LHFPL6: variants seen among roughly 807,000 people sequenced by gnomAD.
LHFPL6 encodes LHFPL tetraspan subfamily member 6, also known as LHFPL tetraspan subfamily member 6 protein.
In LHFPL6, 9 loss-of-function variants were observed where a neutral mutation model predicts 20.6. The ratio of observed to expected loss-of-function variants is 0.44; its 90% CI spans 0.26 to 0.76. The LOEUF (loss-of-function observed/expected upper bound fraction) is 0.76, where lower values mean the gene tolerates loss of function less well. Ranked by LOEUF, LHFPL6 falls within the 30% of genes least tolerant of loss-of-function variation. The pLI is 0.20. For missense variants in LHFPL6, 218 were observed against 253.5 expected (o/e 0.86, Z 0.95); for synonymous variants, 105 against 98.7 (o/e 1.06, Z -0.38).
rs144263651 is a variant in LHFPL6 at position 39,527,908 on chromosome 13, C to G, written c.385+72924G>C. On this transcript the variant is annotated intron_variant, in intron 2 of 3. Transcript: ENST00000379589. ...TTCTATTTCTAACTTAATCTTAAATCTTTAATTTCTAAGTTAACTATGTTT... is the reference window on the plus strand; with the variant it reads ...TTCTATTTCTAACTTAATCTTAAATGTTTAATTTCTAAGTTAACTATGTTT... Among the ~76,000 whole-genome samples, 40 of 152,268 alleles carry G rather than the reference C, an allele frequency of 2.6e-4. No homozygotes were observed. The East Asian group carries it at 7.7e-3, about 29-fold the overall frequency.
chr13:39,468,314 C>T (rs571416616), intron 2 of LHFPL6, among the ~76,000 whole-genome samples: 41 of 152,182 alleles, frequency 2.7e-4, no homozygotes, highest in South Asian at 1.7e-3. Context: ...AGAAAATGAA[C>T]ATTAAACAGT....
intron 2 of LHFPL6, among the ~76,000 whole-genome samples, chr13:39,408,106 GAAATA>G (rs1172021888): frequency 1.2e-4 from 19 of 152,126 alleles, no homozygotes; most frequent in African/African-American, 4.1e-4. Flanking sequence ...AAATACAGTG[GAAATA>G]AAATAAGTAA....
intron 3 of LHFPL6, among the ~76,000 whole-genome samples, chr13:39,372,862 A>C (rs1870196662): frequency 6.6e-6 from 1 of 152,178 alleles, no homozygotes; most frequent in Non-Finnish European, 1.5e-5. Flanking sequence ...GAGGCTCTTC[A>C]AGTATTATTT....
intron 2 of LHFPL6, among the ~76,000 whole-genome samples, chr13:39,596,554 T>A (rs1374756082): frequency 6.6e-6 from 1 of 152,072 alleles, no homozygotes; most frequent in Middle Eastern, 3.2e-3. Context: ...TAAAAACTGC[T>A]GGCTAAAAAC....
At chr13:39,508,067 C>A (rs1040407505) in intron 2 of LHFPL6, among the ~76,000 whole-genome samples, 2 of 151,230 alleles carry the variant, frequency 1.3e-5, no homozygotes, top group Admixed American at 6.6e-5. Flanking sequence ...GTTGCCCAGG[C>A]TAGAGTGCAA....
intron 2 of LHFPL6, among the ~76,000 whole-genome samples, chr13:39,538,324 A>C (rs1170511458): frequency 1.3e-5 from 2 of 151,068 alleles, no homozygotes; most frequent in African/African-American, 4.9e-5. Flanking sequence ...TTGTTGACTA[A>C]GCTAATGGTC....
chr13:39,582,021 A>G (rs1872302655), intron 2 of LHFPL6, among the ~76,000 whole-genome samples: 1 of 152,234 alleles, frequency 6.6e-6, no homozygotes, highest in Non-Finnish European at 1.5e-5. Flanking sequence ...CATGAGCTCT[A>G]TGCCCAGTGT....
intron 2 of LHFPL6, among the ~76,000 whole-genome samples, chr13:39,573,168 AT>A (rs1311706817): frequency 6.6e-6 from 1 of 152,162 alleles, no homozygotes; most frequent in Admixed American, 6.5e-5. Flanking sequence ...TACAAAACAC[AT>A]TTGATAGAGA....
chr13:39,394,688 G>A (rs1870799581), intron 2 of LHFPL6, among the ~76,000 whole-genome samples: 1 of 152,126 alleles, frequency 6.6e-6, no homozygotes, highest in South Asian at 2.1e-4. Flanking sequence ...GATGCTCTTA[G>A]AAGATATTTT....
intron 2 of LHFPL6, among the ~76,000 whole-genome samples, chr13:39,495,616 T>G (rs1566124697): frequency 6.8e-6 from 1 of 147,658 alleles, no homozygotes; most frequent in African/African-American, 2.5e-5. Context: ...TTTTTTTTTT[T>G]GTAAGTATAT....
At chr13:39,554,819 T>A (rs990409545) in intron 2 of LHFPL6, among the ~76,000 whole-genome samples, 7 of 152,340 alleles carry the variant, frequency 4.6e-5, no homozygotes, top group African/African-American at 1.4e-4. Flanking sequence ...ATTGTTATAG[T>A]AAAGTTTTCA....
chr13:39,504,809 C>T (rs562225410), intron 2 of LHFPL6, among the ~76,000 whole-genome samples: 15 of 152,210 alleles, frequency 9.9e-5, no homozygotes, highest in Non-Finnish European at 1.8e-4. Context: ...AGTACTTATG[C>T]TCAGGAATAA....
intron 3 of LHFPL6, among the ~76,000 whole-genome samples, chr13:39,353,562 TA>T (rs1010777128): frequency 6.6e-6 from 1 of 151,276 alleles, no homozygotes; most frequent in Non-Finnish European, 1.5e-5. Flanking sequence ...CAGTCTCTAC[TA>T]AAAAAAACCA....
chr13:39,410,859 A>G (rs552554931), intron 2 of LHFPL6, among the ~76,000 whole-genome samples: 2 of 152,144 alleles, frequency 1.3e-5, no homozygotes, highest in South Asian at 4.1e-4. Context: ...TCCCCTATCA[A>G]TCTTTGCAGG....
At chr13:39,371,949 A>G (rs997921574) in intron 3 of LHFPL6, among the ~76,000 whole-genome samples, 1 of 152,216 alleles carries the variant, frequency 6.6e-6, no homozygotes, top group African/African-American at 2.4e-5. Context: ...CACAAGTGCC[A>G]AACGCTCTTA....
intron 2 of LHFPL6, among the ~76,000 whole-genome samples, chr13:39,400,796 A>G (rs912389473): frequency 6.7e-6 from 1 of 149,984 alleles, no homozygotes; most frequent in African/African-American, 2.4e-5. Flanking sequence ...AAAAAAAAAA[A>G]AAAAAAAAAA....
At chr13:39,347,839 A>C (rs1300396967) in intron 3 of LHFPL6, among the ~76,000 whole-genome samples, 1 of 152,240 alleles carries the variant, frequency 6.6e-6, no homozygotes, top group Non-Finnish European at 1.5e-5. Flanking sequence ...TTTGTGGTCC[A>C]TCTGTTTAGC....
At chr13:39,405,781 T>C (rs922096922) in intron 2 of LHFPL6, among the ~76,000 whole-genome samples, 5 of 152,058 alleles carry the variant, frequency 3.3e-5, no homozygotes, top group Non-Finnish European at 7.4e-5. Context: ...AGAGACAGAG[T>C]ACGCATAAAT....
chr13:39,486,170 C>A (rs1191322268), intron 2 of LHFPL6, among the ~76,000 whole-genome samples: 3 of 152,154 alleles, frequency 2.0e-5, no homozygotes, highest in Non-Finnish European at 2.9e-5. Flanking sequence ...CTGTAAGCAT[C>A]CACTGGAGAG....
Sources: gnomAD v4.1 joint callset for allele counts (sites outside exome capture counted in the v4.1 genomes callset) on GRCh38, gnomAD v4.1.1 for gene constraint, MANE v1.5 for transcripts, NCBI Gene and HGNC (gene_info 2026-07-23, HGNC 2026-07-21) for gene names.